Variants in THBS3 observed in about 807,000 individuals in gnomAD.
THBS3 encodes thrombospondin 3, also known as thrombospondin-3.
In THBS3, 78 loss-of-function variants were observed where a neutral mutation model predicts 118.3. That is an observed-to-expected ratio of 0.66 (90% CI 0.55 to 0.80). THBS3 has a LOEUF of 0.80. Among genes scored for constraint, THBS3 ranks in the 30% least tolerant of loss-of-function variants. The pLI is 0.00. For synonymous variants in THBS3, 427 were observed against 475.3 expected (o/e 0.90, Z 1.32); for missense variants, 1,057 against 1,247.4 (o/e 0.85, Z 2.30).
rs772678567 is a variant in THBS3, at chr1:155,205,327, G to A, written c.287-11C>T. The A allele has an allele frequency of 3.1e-6, 5 of 1,611,798 alleles. No individual in the cohort carries two copies. Among genetic ancestry groups the A allele is most frequent in the African/African-American group, 1.3e-5 (1 of 74,840 alleles). On this transcript the variant is annotated splice_polypyrimidine_tract_variant and intron_variant, in intron 2 of 22. Coordinates refer to ENST00000368378, the MANE Select transcript of THBS3 (RefSeq NM_007112.5). ...GGTATCGCACCAGTACTGCCCAGGAGGGGAGATCAGTATGGGCGCTATCCC... is the reference window on the plus strand; with the variant it reads ...GGTATCGCACCAGTACTGCCCAGGAAGGGAGATCAGTATGGGCGCTATCCC...
rs1670000868 is a variant in THBS3 at position 155,202,947 on chromosome 1, C to T, written c.822G>A (p.Gln274=). Residue 274 remains glutamine (Q), a synonymous_variant, in exon 8 of 23, where the codon CAG becomes CAA. Transcript: ENST00000368378. This position sits in a 1 kb window ranked among gnomAD's most constrained non-coding sequence, Gnocchi z 5.5. ...AGGGATTGGGGCTGCAGTGGGAACG[C>T]TGCTCATGGAAGCCTGAGGGGTGGA... ...MECQVCGFHE[Q]RSHCSPNPCF... is the part of the protein sequence containing the mutation. 6.2e-7 allele frequency: 1 copy of T among 1,613,996 alleles called. No homozygotes were observed. Among genetic ancestry groups the T allele is most frequent in the Middle Eastern group, 1.6e-4 (1 of 6,062 alleles).
chr1:155,198,719 A>G, intron 16 of THBS3, 117 bp from the exon 17 acceptor site: 1 of 999,368 alleles, frequency 1.0e-6, no homozygotes, highest in Non-Finnish European at 1.5e-6. Flanking sequence ...CCTGGCAGTC[A>G]GCCAGGTGAG....
chr1:155,200,830 A>C (rs1669584212), intron 13 of THBS3, 67 bp downstream of exon 13: 1 of 1,612,170 alleles, frequency 6.2e-7, no homozygotes, highest in South Asian at 1.1e-5. Context: ...AGATGAGGTA[A>C]GTGAGGCACA....
Position 155,202,807 on chromosome 1 carries a change from C to T in THBS3, c.957+5G>A, listed in dbSNP as rs1272266435. On this transcript the variant is annotated splice_donor_5th_base_variant and intron_variant, in intron 8 of 22. Coordinates refer to ENST00000368378, the MANE Select transcript of THBS3 (RefSeq NM_007112.5). This position sits in a 1 kb window ranked among gnomAD's most constrained non-coding sequence, Gnocchi z 5.5. ...TGTACCCTTCTGGGCTCTGACCTCC[C>T]TCACCTCATTGATGTCACTGCAGTG... 1 of 1,609,596 alleles carries T rather than the reference C, an allele frequency of 6.2e-7. No homozygotes were observed. The highest frequency in any genetic ancestry group is 1.7e-5 in the Admixed American group (1 of 59,730).
rs1350582527 is a variant in THBS3 at position 155,197,512 on chromosome 1, C to T, written c.2450G>A (p.Trp817Ter). The T allele has an allele frequency of 6.2e-7, 1 of 1,613,992 alleles. No individual in the cohort carries two copies. The highest frequency in any genetic ancestry group is 1.3e-5 in the African/African-American group (1 of 74,898). ...VMWKQTEQTY[W>*]QATPFRAVAQ... is the part of the protein sequence containing the mutation. ...AACCGCCCGGAAGGGTGTAGCCTGCCAGTAGGTCTGCTCGGTCTGCTTCCA... is the reference window on the plus strand; with the variant it reads ...AACCGCCCGGAAGGGTGTAGCCTGCTAGTAGGTCTGCTCGGTCTGCTTCCA... The change falls in exon 20 of 23, where the codon TGG becomes TAG. Residue 817 changes from tryptophan to a stop codon, truncating the protein, a stop_gained. Coordinates refer to ENST00000368378, the MANE Select transcript of THBS3 (RefSeq NM_007112.5). LOFTEE classifies it high-confidence loss of function. The surrounding 1 kb of genome is among the most constrained non-coding windows in gnomAD (Gnocchi z 5.0).
At chr1:155,207,954 G>C (rs1315369156), upstream of THBS3, 51 of 1,332,324 alleles carry the variant, frequency 3.8e-5, 1 homozygote, top group South Asian at 6.2e-4. Flanking sequence ...GCAGGAGCCG[G>C]GGGGCGGAGG....
At chr1:155,208,806 T>G, upstream of THBS3, 4 of 1,522,070 alleles carry the variant, frequency 2.6e-6, no homozygotes, top group Non-Finnish European at 3.5e-6. Context: ...GTGGAAAACA[T>G]GCTGCTCGGG....
upstream of THBS3, chr1:155,208,718 G>C: frequency 1.0e-3 from 452 of 436,884 alleles, no homozygotes; most frequent in Middle Eastern, 1.6e-3. Flanking sequence ...CCCGGCCTCC[G>C]CTCCGGCCGC....
At chr1:155,201,327 C>T in intron 11 of THBS3, 90 bp downstream of exon 11, 2 of 1,572,098 alleles carry the variant, frequency 1.3e-6, no homozygotes, top group South Asian at 1.2e-5. Context: ...CACCTCTCTC[C>T]TATGAAGACC....
upstream of THBS3, chr1:155,209,169 G>A: frequency 6.7e-7 from 1 of 1,493,338 alleles, no homozygotes; most frequent in Non-Finnish European, 8.9e-7. Flanking sequence ...GCAACGATCG[G>A]AGGGGCGGTG....
intron 3 of THBS3, 44 bp downstream of exon 3, chr1:155,205,016 G>A (rs374709142): frequency 2.5e-6 from 4 of 1,613,106 alleles, no homozygotes; most frequent in African/African-American, 2.7e-5. Flanking sequence ...CCCAGCTGGT[G>A]CAAACTCTAT....
chr1:155,206,201 T>C lies in THBS3; in HGVS notation c.285A>G (p.Lys95=), dbSNP rs1670518960. ...LEASVVGKIN[K]VLVRYQREDG... is the part of the protein sequence containing the mutation. ...AGAAAGGAGATGCCCACCAGTCACC[T>C]TTGTTGATCTTGCCTACAACAGAGG... The change falls in exon 2 of 23, where the codon AAA becomes AAG. Residue 95 remains lysine, a splice_region_variant and synonymous_variant. Transcript: ENST00000368378. This position sits in a 1 kb window ranked among gnomAD's most constrained non-coding sequence, Gnocchi z 4.2. The C allele has an allele frequency of 3.1e-6, 5 of 1,613,766 alleles. No individual in the cohort carries two copies. Among genetic ancestry groups the C allele is most frequent in the Non-Finnish European group, 4.2e-6 (5 of 1,179,960 alleles).
chr1:155,205,467 A>G, intron 2 of THBS3, 151 bp from the exon 3 acceptor site: 1 of 1,091,876 alleles, frequency 9.2e-7, no homozygotes. Context: ...TAATAGGTAC[A>G]CAATAAATGT....
rs555257910 is a variant in THBS3 at position 155,204,256 on chromosome 1, G to A, written c.646+599C>T. On this transcript the variant is annotated intron_variant, in intron 4 of 22. Transcript: ENST00000368378. ...AGACCAGGCAGATGGGCAACACTCAGAGAAATTGCTGGTGACAGCTGCCAG... is the reference window on the plus strand; with the variant it reads ...AGACCAGGCAGATGGGCAACACTCAAAGAAATTGCTGGTGACAGCTGCCAG... Among the ~76,000 whole-genome samples the A allele has an allele frequency of 2.6e-5, 4 of 152,266 alleles. No individual in the cohort carries two copies. In the South Asian group the frequency reaches 8.3e-4, roughly 32 times the overall value.
Position 155,202,874 on chromosome 1 carries a change from G to A in THBS3, c.895C>T (p.Arg299Cys), listed in dbSNP as rs780352829. Reference protein sequence around the residue: ...CMEVYEYPGYRCGPCPPGLQG... With the variant: ...CMEVYEYPGYCCGPCPPGLQG... ...AGGCCAGGGGGGCAGGGCCCACAGCGGTAGCCTGGGTACTCGTACACTTCC... is the reference window on the plus strand; with the variant it reads ...AGGCCAGGGGGGCAGGGCCCACAGCAGTAGCCTGGGTACTCGTACACTTCC... Residue 299 changes from arginine (R) to cysteine (C), a missense_variant, in exon 8 of 23, where the codon CGC becomes TGC. By Grantham distance (180) the Arg-to-Cys change is radical. Transcript: ENST00000368378. The surrounding 1 kb of genome is among the most constrained non-coding windows in gnomAD (Gnocchi z 5.5). 15 of 1,613,612 alleles carry A rather than the reference G, an allele frequency of 9.3e-6. No homozygotes were observed. Among genetic ancestry groups the A allele is most frequent in the Admixed American group, 6.7e-5 (4 of 60,012 alleles).
intron 21 of THBS3, chr1:155,196,784 T>A (rs183737263): frequency 7.2e-5 from 36 of 501,484 alleles, no homozygotes; most frequent in African/African-American, 6.3e-4. Flanking sequence ...CCTTCACAGA[T>A]TGGCCTGGGT....
chr1:155,208,885 G>C (rs1670917193), upstream of THBS3: 2 of 1,611,642 alleles, frequency 1.2e-6, no homozygotes, highest in African/African-American at 1.3e-5. Flanking sequence ...GCCACGTGCA[G>C]TTTGGCAAGA....
chr1:155,204,999 C>T (rs1208208847), intron 3 of THBS3, 42 bp from the exon 4 acceptor site: 2 of 1,613,202 alleles, frequency 1.2e-6, no homozygotes, highest in Admixed American at 1.7e-5. Flanking sequence ...GGTCTACCAA[C>T]CCCTTCCCCA....
At chr1:155,209,178 T>G (rs949511322), upstream of THBS3, 20 of 1,482,388 alleles carry the variant, frequency 1.3e-5, no homozygotes, top group African/African-American at 2.9e-5. Context: ...GGAGGGGCGG[T>G]GGCGGGGGGC....
Sources: gnomAD v4.1 joint callset for allele counts (sites outside exome capture counted in the v4.1 genomes callset) on GRCh38, gnomAD v4.1.1 for gene constraint, Gnocchi (gnomAD v3.1) non-coding constraint, MANE v1.5 for transcripts, NCBI Gene and HGNC (gene_info 2026-07-23, HGNC 2026-07-21) for gene names.